Variants in GSE1 observed in about 807,000 individuals in gnomAD.
GSE1 encodes genetic suppressor element 1.
GSE1 carries 32 observed loss-of-function variants against 112.6 expected under a neutral mutation model. That is an observed-to-expected ratio of 0.28 (90% CI 0.21 to 0.38). The LOEUF (loss-of-function observed/expected upper bound fraction) is 0.38, where lower values mean the gene tolerates loss of function less well. Ranked by LOEUF, GSE1 falls within the 10% of genes least tolerant of loss-of-function variation. GSE1 has a pLI of 1.00. For missense variants in GSE1, 2,348 were observed against 1,699.2 expected (o/e 1.38, Z -6.71); for synonymous variants, 1,115 against 735.6 (o/e 1.52, Z -8.35).
chr16:85,609,073 G>A (rs1158615300), upstream of GSE1, among the ~76,000 whole-genome samples: 1 of 152,196 alleles, frequency 6.6e-6, no homozygotes, highest in Admixed American at 6.5e-5. Flanking sequence ...CACGGGTGGC[G>A]CCCGCACCCC....
At chr16:85,217,513 C>G (rs2075323942) in intron 1 of GSE1, among the ~76,000 whole-genome samples, 1 of 152,154 alleles carries the variant, frequency 6.6e-6, no homozygotes, top group Non-Finnish European at 1.5e-5. Flanking sequence ...CAGGGGGATC[C>G]CAGGCTCAGA....
chr16:85,372,235 G>T (rs1045559379), intron 2 of GSE1, among the ~76,000 whole-genome samples: 11 of 152,114 alleles, frequency 7.2e-5, no homozygotes, highest in Non-Finnish European at 1.5e-4. Flanking sequence ...GCTTGTGCTT[G>T]TGAGATCAAG....
chr16:85,506,777 G>A (rs376946227), intron 2 of GSE1, among the ~76,000 whole-genome samples: 2 of 152,070 alleles, frequency 1.3e-5, no homozygotes, highest in East Asian at 1.9e-4. Context: ...CAGCCGATCC[G>A]TGAGCTCCTG....
At chr16:85,646,892 A>AGGGGGGG (rs55946477) in intron 2 of GSE1, among the ~76,000 whole-genome samples, 1 of 128,836 alleles carries the variant, frequency 7.8e-6, no homozygotes, top group Admixed American at 8.1e-5. Flanking sequence ...CCCCACAACA[A>AGGGGGGG]GGGGGGGGGT....
intron 1 of GSE1, among the ~76,000 whole-genome samples, chr16:85,570,784 A>G (rs1382777811): frequency 6.6e-6 from 1 of 152,064 alleles, no homozygotes; most frequent in Non-Finnish European, 1.5e-5. Flanking sequence ...GCTGAGGGGG[A>G]GGGTGGAAAG....
chr16:85,616,274 CG>C (rs2048366275), intron 1 of GSE1, among the ~76,000 whole-genome samples: 1 of 152,238 alleles, frequency 6.6e-6, no homozygotes, highest in Non-Finnish European at 1.5e-5. Context: ...CCTTTGGGCT[CG>C]GAGCCCCGAG....
chr16:85,581,165 C>T (rs2046433150), intron 1 of GSE1, among the ~76,000 whole-genome samples: 1 of 152,206 alleles, frequency 6.6e-6, no homozygotes, highest in South Asian at 2.1e-4. Context: ...ATGGGCTCCT[C>T]TCTCCGCAGC....
intron 2 of GSE1, among the ~76,000 whole-genome samples, chr16:85,643,236 T>A (rs992082605): frequency 6.6e-6 from 1 of 152,232 alleles, no homozygotes; most frequent in African/African-American, 2.4e-5. Flanking sequence ...TTTCATTGAC[T>A]TAACTCCTGG....
At chr16:85,260,532 AG>A (rs1331851311) in intron 1 of GSE1, among the ~76,000 whole-genome samples, 6 of 152,118 alleles carry the variant, frequency 3.9e-5, no homozygotes, top group African/African-American at 1.2e-4. Flanking sequence ...TATGTTGGCC[AG>A]GCTAGTCTCG....
intron 1 of GSE1, among the ~76,000 whole-genome samples, chr16:85,590,857 A>G (rs1258327633): frequency 6.6e-6 from 1 of 152,158 alleles, no homozygotes; most frequent in Non-Finnish European, 1.5e-5. Context: ...GTCCTGTAAA[A>G]TGGGAACCCC....
chr16:85,542,420 CAG>C (rs1444972019), intron 2 of GSE1, among the ~76,000 whole-genome samples: 1 of 152,240 alleles, frequency 6.6e-6, no homozygotes, highest in East Asian at 1.9e-4. Flanking sequence ...GCACCTGCCA[CAG>C]GGGCAGAACC....
Position 85,361,321 on chromosome 16 carries a change from A to C in GSE1, c.2464+3678A>C, listed in dbSNP as rs1259348464. On this transcript the variant is annotated intron_variant, in intron 2 of 2. Coordinates refer to the GSE1 transcript ENST00000637419. Reference sequence around the variant, plus strand: ...CACAGAGACAGGCACAGACCCCCCCACACACAAACACACACACACACACAC... The same window carrying C: ...CACAGAGACAGGCACAGACCCCCCCCCACACAAACACACACACACACACAC... 2.3e-4 allele frequency among the ~76,000 whole-genome samples: 17 copies of C among 74,418 alleles called. 2 individuals are homozygous for C. Among genetic ancestry groups the C allele is most frequent in the Admixed American group, 6.1e-4 (4 of 6,526 alleles). 48.8% of individuals were successfully genotyped at this position (74,418 alleles called of 152,430 possible). A position where few individuals can be genotyped will look rare whatever the true frequency, so the allele number is the denominator to read the frequency against.
rs773267848 is a variant in GSE1 at position 85,666,283 on chromosome 16, G to A, written c.3066G>A (p.Glu1022=). 1 of 1,613,900 alleles carries A rather than the reference G, an allele frequency of 6.2e-7. No homozygotes were observed. The highest frequency in any genetic ancestry group is 8.5e-7 in the Non-Finnish European group (1 of 1,180,026). The change falls in exon 13 of 16, where the codon GAG becomes GAA. Residue 1022 remains glutamate (E), a synonymous_variant. Transcript: ENST00000253458. Reference sequence around the variant, plus strand: ...CGTGGGAGCCCTTTGTGGCAGAAGAGTTTGCACATCAGTTCCACGAGTCAG... The same window carrying A: ...CGTGGGAGCCCTTTGTGGCAGAAGAATTTGCACATCAGTTCCACGAGTCAG... ...SKPWEPFVAE[E]FAHQFHESVL...
intron 1 of GSE1, among the ~76,000 whole-genome samples, chr16:85,340,861 C>T (rs1015175673): frequency 7.2e-5 from 11 of 152,310 alleles, no homozygotes; most frequent in African/African-American, 2.2e-4. Flanking sequence ...TGAGCTGCTC[C>T]ACTCCCGGCT....
rs556624234 is a variant in GSE1, at chr16:85,463,018, C to T, written c.2464+105375C>T. On this transcript the variant is annotated intron_variant, in intron 2 of 2. Coordinates refer to the GSE1 transcript ENST00000637419. ...TGACGCCCCTACTGCTCGCCTCCGC[C>T]GCGGGCCATGCTGGGCAGCCCCTCC... The T allele has an allele frequency of 4.5e-4, 366 of 814,774 alleles. 1 individual carries two copies. The African/African-American group carries it at 6.4e-3, about 14-fold the overall frequency. 50.5% of individuals were successfully genotyped at this position (814,774 alleles called of 1,614,324 possible).
At chr16:85,449,435 C>T (rs986634321) in intron 2 of GSE1, among the ~76,000 whole-genome samples, 17 of 152,260 alleles carry the variant, frequency 1.1e-4, no homozygotes, top group African/African-American at 3.9e-4. Flanking sequence ...AAGATCAGAG[C>T]CCCGGCTCCC....
At chr16:85,307,883 A>G (rs554113259) in intron 1 of GSE1, among the ~76,000 whole-genome samples, 2 of 152,240 alleles carry the variant, frequency 1.3e-5, no homozygotes, top group African/African-American at 4.8e-5. Flanking sequence ...GAGCCGGGGG[A>G]AAGGTCAGAC....
chr16:85,170,747 C>G, exon 1 of GSE1: 1 of 985,526 alleles, frequency 1.0e-6, no homozygotes, highest in Non-Finnish European at 1.2e-6. Context: ...AGCCCGCCCC[C>G]AGGGGCACAG....
At chr16:85,190,985 A>G (rs1330030964) in intron 1 of GSE1, among the ~76,000 whole-genome samples, 2 of 152,170 alleles carry the variant, frequency 1.3e-5, no homozygotes, top group Admixed American at 1.3e-4. Flanking sequence ...AGAATTACAG[A>G]GTCTTGCTCA....
Sources: allele counts gnomAD v4.1 joint callset (sites outside exome capture counted in the v4.1 genomes callset), GRCh38; gene constraint gnomAD v4.1.1; transcripts MANE v1.5; gene names NCBI Gene and HGNC (gene_info 2026-07-23, HGNC 2026-07-21).